Variants in PLCL2 observed in about 807,000 individuals in gnomAD.
PLCL2 encodes the protein phospholipase C like 2.
In PLCL2, 4 loss-of-function variants were observed where a neutral mutation model predicts 79.6. The ratio of observed to expected loss-of-function variants is 0.05; its 90% CI spans 0.02 to 0.11. PLCL2 has a LOEUF of 0.11. Ranked by LOEUF, PLCL2 falls within the 10% of genes least tolerant of loss-of-function variation. The pLI, the probability that PLCL2 is intolerant of heterozygous loss-of-function variation, is 1.00. For missense variants in PLCL2, 895 were observed against 1,291.0 expected (o/e 0.69, Z 4.70); for synonymous variants, 484 against 457.7 (o/e 1.06, Z -0.73).
intron 4 of PLCL2, among the ~76,000 whole-genome samples, chr3:17,047,490 T>G (rs1306039276): frequency 6.6e-6 from 1 of 152,208 alleles, no homozygotes; most frequent in African/African-American, 2.4e-5. Flanking sequence ...GAAGGTTCTT[T>G]GCTAAAAGCT....
At chr3:16,924,641 C>A (rs965788111) in intron 1 of PLCL2, among the ~76,000 whole-genome samples, 13 of 152,170 alleles carry the variant, frequency 8.5e-5, no homozygotes, top group African/African-American at 3.1e-4. Context: ...CTATATCCTA[C>A]AGTCACTCTC....
In PLCL2 at chr3:16,960,578, C is replaced by T. The variant is rs1036691590; in HGVS notation, c.328-49096C>T. Reference sequence around the variant, plus strand: ...TTCTTTCTTTTGGTAATTTTAGTTACGTTAAGTCCTTCTTGTTTGTATTGC... The same window carrying T: ...TTCTTTCTTTTGGTAATTTTAGTTATGTTAAGTCCTTCTTGTTTGTATTGC... On this transcript the variant is annotated intron_variant, in intron 1 of 5. Transcript: ENST00000615277. Among the ~76,000 whole-genome samples the T allele has an allele frequency of 3.2e-4, 32 of 98,598 alleles. No individual in the cohort carries two copies. The East Asian group carries it at 8.7e-3, about 27-fold the overall frequency. 64.7% of individuals were successfully genotyped at this position (98,598 alleles called of 152,430 possible). A position where few individuals can be genotyped will look rare whatever the true frequency, so the allele number is the denominator to read the frequency against.
At chr3:17,028,277 A>G (rs961585689) in intron 3 of PLCL2, among the ~76,000 whole-genome samples, 1 of 152,122 alleles carries the variant, frequency 6.6e-6, no homozygotes, top group African/African-American at 2.4e-5. Context: ...AGGCTGTGCT[A>G]ACCACACTCA....
At chr3:16,913,753 T>G (rs1424910367) in intron 1 of PLCL2, among the ~76,000 whole-genome samples, 3 of 152,098 alleles carry the variant, frequency 2.0e-5, no homozygotes, top group Non-Finnish European at 4.4e-5. Flanking sequence ...TTTGTGACAG[T>G]GTATTGCTAA....
At chr3:16,942,587 G>C (rs1236598688) in intron 1 of PLCL2, among the ~76,000 whole-genome samples, 1 of 152,166 alleles carries the variant, frequency 6.6e-6, no homozygotes, top group African/African-American at 2.4e-5. Flanking sequence ...CAGGGAGCCA[G>C]ACATGACTCT....
At chr3:16,950,037 T>G (rs960889778) in intron 1 of PLCL2, among the ~76,000 whole-genome samples, 2 of 152,208 alleles carry the variant, frequency 1.3e-5, no homozygotes, top group Non-Finnish European at 2.9e-5. Context: ...TCATGATGTT[T>G]TAATTGCTGT....
chr3:16,935,170 G>T (rs1220627258), intron 1 of PLCL2, among the ~76,000 whole-genome samples: 1 of 152,200 alleles, frequency 6.6e-6, no homozygotes, highest in East Asian at 1.9e-4. Flanking sequence ...CAAAGTTGAA[G>T]TTTTTTTCAT....
intron 5 of PLCL2, among the ~76,000 whole-genome samples, chr3:17,085,878 G>C (rs1030155584): frequency 5.9e-5 from 9 of 152,308 alleles, no homozygotes; most frequent in Non-Finnish European, 1.2e-4. Flanking sequence ...TGACTTATAT[G>C]AGGAAAACTA....
At chr3:16,908,227 C>T (rs1696793511) in intron 1 of PLCL2, among the ~76,000 whole-genome samples, 1 of 152,132 alleles carries the variant, frequency 6.6e-6, no homozygotes, top group South Asian at 2.1e-4. Context: ...CATTCCTATC[C>T]ACTTATCCCC....
chr3:16,985,256 T>G (rs1255130402), intron 1 of PLCL2, among the ~76,000 whole-genome samples: 3 of 152,128 alleles, frequency 2.0e-5, no homozygotes, highest in Non-Finnish European at 1.5e-5. Flanking sequence ...ACCTCTATAT[T>G]AGCTTCTAAT....
chr3:17,044,664 GATTTT>G (rs1345321502), intron 4 of PLCL2, among the ~76,000 whole-genome samples: 1 of 151,970 alleles, frequency 6.6e-6, no homozygotes, highest in African/African-American at 2.4e-5. Flanking sequence ...AACTAAATAT[GATTTT>G]ATTTTAATTA....
intron 1 of PLCL2, among the ~76,000 whole-genome samples, chr3:16,987,317 GC>G (rs2064061074): frequency 6.6e-6 from 1 of 152,046 alleles, no homozygotes; most frequent in Admixed American, 6.6e-5. Flanking sequence ...AGGCACAGCA[GC>G]CCCTCTGCAC....
chr3:17,061,207 A>G (rs2064949984), intron 4 of PLCL2, among the ~76,000 whole-genome samples: 1 of 152,242 alleles, frequency 6.6e-6, no homozygotes, highest in East Asian at 1.9e-4. Context: ...ATTTCATCGA[A>G]AAAGGAGATG....
intron 1 of PLCL2, among the ~76,000 whole-genome samples, chr3:16,980,250 G>A (rs574542134): frequency 7.1e-6 from 1 of 141,434 alleles, no homozygotes; most frequent in East Asian, 2.2e-4. Context: ...CTGCCGGATG[G>A]GGCGGCTGGC....
chr3:16,994,068 C>CTTCATA (rs2124997780), intron 1 of PLCL2, among the ~76,000 whole-genome samples: 1 of 152,306 alleles, frequency 6.6e-6, no homozygotes, highest in African/African-American at 2.4e-5. Context: ...TTCATTGAAG[C>CTTCATA]AGTTAAATTG....
intron 3 of PLCL2, among the ~76,000 whole-genome samples, chr3:17,031,583 G>A (rs557940957): frequency 6.6e-5 from 10 of 152,250 alleles, no homozygotes; most frequent in African/African-American, 2.4e-4. Context: ...CATCCTTGAG[G>A]TGACCATGGT....
chr3:16,966,894 A>C (rs1250420717), intron 1 of PLCL2, among the ~76,000 whole-genome samples: 1 of 151,958 alleles, frequency 6.6e-6, no homozygotes, highest in Non-Finnish European at 1.5e-5. Context: ...AGTACCTGTT[A>C]GGTAGTGTTT....
chr3:17,003,358 A>G (rs1007408973), intron 1 of PLCL2, among the ~76,000 whole-genome samples: 1 of 152,186 alleles, frequency 6.6e-6, no homozygotes, highest in Non-Finnish European at 1.5e-5. Context: ...CACTGGCTTC[A>G]AATTTCTCCA....
rs1353993184 is a variant in PLCL2 at position 17,007,512 on chromosome 3, T to C, written c.328-2162T>C. On this transcript the variant is annotated intron_variant, in intron 1 of 5. Coordinates refer to ENST00000615277, the MANE Select transcript of PLCL2 (RefSeq NM_001144382.2). Reference sequence around the variant, plus strand: ...TTTGCACTTTATTGTTCTGAGGATATAATTGTAAAGAAATATTCTACCTTG... The same window carrying C: ...TTTGCACTTTATTGTTCTGAGGATACAATTGTAAAGAAATATTCTACCTTG... Among the ~76,000 whole-genome samples, 2 of 152,216 alleles carry C rather than the reference T, an allele frequency of 1.3e-5. 1 individual carries two copies.
Sources: allele counts gnomAD v4.1 joint callset (sites outside exome capture counted in the v4.1 genomes callset), GRCh38; gene constraint gnomAD v4.1.1; transcripts MANE v1.5; gene names NCBI Gene and HGNC (gene_info 2026-07-23, HGNC 2026-07-21).